CD99L2: variants seen among roughly 807,000 people sequenced by gnomAD.
The protein encoded by CD99L2 is CD99 antigen-like protein 2.
CD99L2 carries 24 observed loss-of-function variants against 27.3 expected under a neutral mutation model. The ratio of observed to expected loss-of-function variants is 0.88; its 90% confidence interval spans 0.64 to 1.24. The LOEUF is 1.24. CD99L2 is among the 50% of genes most tolerant of loss of function. The pLI, the probability that CD99L2 is intolerant of heterozygous loss-of-function variation, is 0.00. For missense variants in CD99L2, 255 were observed against 221.6 expected (o/e 1.15, Z -0.96); for synonymous variants, 97 against 87.9 (o/e 1.10, Z -0.58).
At chrX:150,778,504 G>A (rs1557419351) in intron 7 of CD99L2, among the ~76,000 whole-genome samples, 1 of 104,041 alleles carries the variant, frequency 9.6e-6, no homozygotes, top group East Asian at 3.0e-4. Context: ...GCACATGTGG[G>A]GGTGGGGGAA....
At chrX:150,852,409 C>T (rs2046806672) in intron 1 of CD99L2, among the ~76,000 whole-genome samples, 2 of 109,801 alleles carry the variant, frequency 1.8e-5, no homozygotes, top group South Asian at 8.0e-4. Flanking sequence ...CTCAGGGGTC[C>T]CTCTGCCCGG....
intron 7 of CD99L2, among the ~76,000 whole-genome samples, chrX:150,789,798 T>C (rs1375798899): frequency 9.0e-6 from 1 of 111,711 alleles, no homozygotes; most frequent in African/African-American, 3.3e-5. Context: ...GGTGGGAGGA[T>C]TGCTTGAGCT....
intron 10 of CD99L2, among the ~76,000 whole-genome samples, chrX:150,769,882 G>A (rs782312802): frequency 2.6e-5 from 3 of 113,238 alleles, no homozygotes; most frequent in African/African-American, 6.4e-5. Flanking sequence ...AGGGGCACAG[G>A]TGTTGACAAT....
At chrX:150,833,628 A>ATAGAAAG (rs2046479180) in intron 1 of CD99L2, among the ~76,000 whole-genome samples, 1 of 112,166 alleles carries the variant, frequency 8.9e-6, no homozygotes, top group Admixed American at 9.5e-5. Context: ...ATGGAACAGG[A>ATAGAAAG]TAGAAAGCAC....
chrX:150,855,787 A>T (rs1474739462), intron 1 of CD99L2, among the ~76,000 whole-genome samples: 5 of 111,856 alleles, frequency 4.5e-5, no homozygotes, highest in African/African-American at 1.6e-4. Context: ...CGCTACCAGC[A>T]GCTAACGGGG....
intron 1 of CD99L2, 129 bp from the exon 2 acceptor site, chrX:150,831,422 C>T (rs1442268498): frequency 5.7e-6 from 3 of 528,571 alleles, no homozygotes; most frequent in Non-Finnish European, 8.9e-6. Context: ...CAAATAGAAA[C>T]CCAAAGTGAG....
At chrX:150,842,217 C>T (rs950554920) in intron 1 of CD99L2, among the ~76,000 whole-genome samples, 6 of 112,026 alleles carry the variant, frequency 5.4e-5, no homozygotes, top group Non-Finnish European at 9.4e-5. Context: ...TGCCCATGGA[C>T]TTGTGCATGT....
chrX:150,790,472 G>A (rs1557419690), intron 7 of CD99L2, among the ~76,000 whole-genome samples: 4 of 111,310 alleles, frequency 3.6e-5, no homozygotes, highest in Non-Finnish European at 1.9e-5. Flanking sequence ...GTACTGAATG[G>A]ATGAGGAAGG....
intron 1 of CD99L2, among the ~76,000 whole-genome samples, chrX:150,850,481 G>A (rs1031550316): frequency 8.0e-5 from 9 of 111,866 alleles, no homozygotes; most frequent in Non-Finnish European, 1.7e-4. Context: ...ACCAGCGGAC[G>A]TGCACATAGA....
chrX:150,840,667 C>T (rs1226490853), intron 1 of CD99L2, among the ~76,000 whole-genome samples: 3 of 112,276 alleles, frequency 2.7e-5, no homozygotes, highest in Non-Finnish European at 3.8e-5. Flanking sequence ...CTCAGCCTCC[C>T]AAAGTGCTGG....
At chrX:150,890,108 G>A (rs1200145216) in intron 1 of CD99L2, among the ~76,000 whole-genome samples, 1 of 108,676 alleles carries the variant, frequency 9.2e-6, no homozygotes, top group African/African-American at 3.4e-5. Context: ...AGCCGAGATC[G>A]CACCACTGCA....
Position 150,795,336 on chromosome X carries a change from T to C in CD99L2, c.347-47A>G, listed in dbSNP as rs782582069. ...AAGAAATACTCAATTAGTTCATCTA[T>C]GGGTAGCTCATTTGGATCCTGTCTC... On this transcript the variant is annotated intron_variant, in intron 5 of 10. Coordinates refer to ENST00000370377, the MANE Select transcript of CD99L2 (RefSeq NM_031462.4). 9.1e-6 allele frequency: 11 copies of C among 1,205,353 alleles called. No homozygotes were observed. In the South Asian group the frequency reaches 1.1e-4, roughly 12 times the overall value.
chrX:150,812,773 A>G (rs1239473902), intron 4 of CD99L2, among the ~76,000 whole-genome samples: 1 of 112,275 alleles, frequency 8.9e-6, no homozygotes, highest in Admixed American at 9.5e-5. Flanking sequence ...CTTGTTCATA[A>G]TAGCCAAAAA....
intron 4 of CD99L2, among the ~76,000 whole-genome samples, chrX:150,798,773 C>T (rs1264263564): frequency 8.9e-6 from 1 of 112,497 alleles, no homozygotes; most frequent in African/African-American, 3.2e-5. Context: ...GAGACAGGGT[C>T]TCACTCTGTC....
intron 1 of CD99L2, among the ~76,000 whole-genome samples, chrX:150,865,573 T>C (rs1020259882): frequency 1.1e-4 from 12 of 111,627 alleles, no homozygotes; most frequent in African/African-American, 3.6e-4. Context: ...AGATGTGAGA[T>C]GAACTCCACT....
chrX:150,776,238 G>A lies in CD99L2; in HGVS notation c.591C>T (p.Ala197=). ...IAGVASALAM[A]LIGAVSSYIS... ...TGTAGCTGGAGACGGCACCGATGAG[G>A]GCCATGGCCAGGGCGCTGGCCACCC... Residue 197 remains alanine (A), a synonymous_variant, in exon 9 of 11, where the codon GCC becomes GCT. Transcript: ENST00000370377. The A allele has an allele frequency of 8.3e-7, 1 of 1,211,461 alleles. No homozygotes were observed. The highest frequency in any genetic ancestry group is 1.1e-6 in the Non-Finnish European group (1 of 895,160).
At chrX:150,798,968 C>A (rs1455765508) in intron 4 of CD99L2, among the ~76,000 whole-genome samples, 1 of 112,127 alleles carries the variant, frequency 8.9e-6, no homozygotes, top group Non-Finnish European at 1.9e-5. Context: ...CAAAGCTGGT[C>A]TCAAACTCCT....
At chrX:150,769,619 G>A (rs947817748) in intron 10 of CD99L2, among the ~76,000 whole-genome samples, 2 of 109,746 alleles carry the variant, frequency 1.8e-5, no homozygotes, top group East Asian at 2.8e-4. Flanking sequence ...CAGTCCCCAC[G>A]GCTGCTGCAC....
chrX:150,811,190 A>G (rs1557420350), intron 4 of CD99L2, among the ~76,000 whole-genome samples: 1 of 112,259 alleles, frequency 8.9e-6, no homozygotes, highest in African/African-American at 3.2e-5. Context: ...TTTCATTAGC[A>G]TTAGGGAAAT....
Sources: gnomAD v4.1 joint callset for allele counts (sites outside exome capture counted in the v4.1 genomes callset) on GRCh38, gnomAD v4.1.1 for gene constraint, MANE v1.5 for transcripts, NCBI Gene and HGNC (gene_info 2026-07-23, HGNC 2026-07-21) for gene names.